The following TUBA8 variants were observed in gnomAD, a reference collection of about 807,000 sequenced individuals.
TUBA8 encodes the protein tubulin alpha 8, also known as tubulin alpha-8 chain.
In TUBA8, 29 loss-of-function variants were observed where a neutral mutation model predicts 34.7. The ratio of observed to expected loss-of-function variants is 0.84; its 90% CI spans 0.62 to 1.14. The LOEUF (loss-of-function observed/expected upper bound fraction) is 1.14, where lower values mean the gene tolerates loss of function less well. Among genes scored for constraint, TUBA8 ranks in the 50% most tolerant of loss-of-function variants. TUBA8 has a pLI of 0.00. For missense variants in TUBA8, 541 were observed against 599.2 expected, an observed-to-expected ratio of 0.90 and a Z score of 1.01; for synonymous variants, 226 against 231.2, an observed-to-expected ratio of 0.98 and a Z score of 0.21.
chr22:18,124,227 G>A lies in TUBA8; in HGVS notation c.298G>A (p.Ala100Thr), dbSNP rs758340778. Residue 100 changes from alanine to threonine, a missense_variant, in exon 3 of 5, where the codon GCC becomes ACC. Transcript: ENST00000330423. This position sits in a 1 kb window ranked among gnomAD's most constrained non-coding sequence, Gnocchi z 4.3. ...GCTGATCACAGGAAAGGAGGATGCA[G>A]CCAACAACTATGCCCGGGGCCACTA... ...EQLITGKEDA[A>T]NNYARGHYTV... The A allele has an allele frequency of 3.1e-6, 5 of 1,614,082 alleles. No homozygotes were observed. In the Admixed American group the frequency reaches 8.3e-5, roughly 27 times the overall value.
At position 18,110,973 on chromosome 22, in the gene TUBA8, G is replaced by A. The variant is rs1013726685; in HGVS notation, c.3+105G>A. On this transcript the variant is annotated intron_variant, in intron 1 of 4. Transcript: ENST00000330423. This position sits in a 1 kb window ranked among gnomAD's most constrained non-coding sequence, Gnocchi z 6.2. ...GGACCCGTCTTCCTGGAGCCGCAGG[G>A]CTCAAGGCCTTCTGGGGGTGGCAGT... 6.6e-7 allele frequency: 1 copy of A among 1,510,496 alleles called. No homozygotes were observed. Among genetic ancestry groups the A allele is most frequent in the Non-Finnish European group, 8.9e-7 (1 of 1,126,396 alleles). 93.6% of individuals were successfully genotyped at this position (1,510,496 alleles called of 1,614,324 possible). A position where few individuals can be genotyped will look rare whatever the true frequency, so the allele number is the denominator to read the frequency against.
At chr22:18,123,720 G>T in intron 2 of TUBA8, 1 of 231,260 alleles carries the variant, frequency 4.3e-6, no homozygotes, top group South Asian at 6.6e-5. Flanking sequence ...GACTACAGGC[G>T]CACGCTGCCA....
chr22:18,127,815 A>T (rs1321697709), intron 4 of TUBA8: 3 of 146,394 alleles, frequency 2.0e-5, no homozygotes, highest in African/African-American at 7.7e-5. Flanking sequence ...CTCCTGCCTC[A>T]GCCTCCCGAG....
At position 18,131,512 on chromosome 22, in the gene TUBA8, G is replaced by A. The variant is rs563390002; in HGVS notation, c.*376G>A. The A allele has an allele frequency of 1.3e-5, 4 of 315,626 alleles. No homozygotes were observed. The highest frequency in any genetic ancestry group is 2.4e-5 in the Non-Finnish European group (4 of 164,624). The allele number at this position is 315,626 out of a possible 1,614,324, so 19.6% of individuals were successfully genotyped here. A position where few individuals can be genotyped will look rare whatever the true frequency, so the allele number is the denominator to read the frequency against. On this transcript the variant is annotated 3_prime_UTR_variant, in exon 5 of 5. Transcript: ENST00000330423. This position sits in a 1 kb window ranked among gnomAD's most constrained non-coding sequence, Gnocchi z 5.3. ...AACACTCAGAGAAAGGGGAGATCTG[G>A]GCCTGGGAAGATTCCGGGGCAGGGG... is the stretch of plus-strand genomic sequence containing the variant.
Position 18,126,269 on chromosome 22 carries a change from C to T in TUBA8, c.376-85C>T, listed in dbSNP as rs1928312719. On this transcript the variant is annotated intron_variant, in intron 3 of 4. Coordinates refer to ENST00000330423, the MANE Select transcript of TUBA8 (RefSeq NM_018943.3). This position sits in a 1 kb window ranked among gnomAD's most constrained non-coding sequence, Gnocchi z 4.0. ...CATCCACAAAAAAATATGAGGCAGA[C>T]AGAGTGGGCGGTCTGGCTTTTTTAC... 1 of 1,282,514 alleles carries T rather than the reference C, an allele frequency of 7.8e-7. No homozygotes were observed. Among genetic ancestry groups the T allele is most frequent in the African/African-American group, 1.5e-5 (1 of 68,020 alleles). 79.4% of individuals were successfully genotyped at this position (1,282,514 alleles called of 1,614,324 possible).
At position 18,124,137 on chromosome 22, in the gene TUBA8, G is replaced by A; in HGVS notation, c.227-19G>A. 6.2e-7 allele frequency: 1 copy of A among 1,614,078 alleles called. No individual in the cohort carries two copies. The highest frequency in any genetic ancestry group is 8.5e-7 in the Non-Finnish European group (1 of 1,180,006). ...TCTCCCCTGGGCAGTAGGACCTAAT[G>A]GTCTTCCTCTCTTGGAAGATGAGGT... On this transcript the variant is annotated intron_variant, in intron 2 of 4. Coordinates refer to ENST00000330423, the MANE Select transcript of TUBA8 (RefSeq NM_018943.3). This position sits in a 1 kb window ranked among gnomAD's most constrained non-coding sequence, Gnocchi z 4.3.
chr22:18,122,869 G>C (rs2123701461), intron 2 of TUBA8: 1 of 151,950 alleles, frequency 6.6e-6, no homozygotes, highest in East Asian at 2.0e-4. Flanking sequence ...CCAGCACTTT[G>C]GGAGGCCGAG....
In TUBA8 at chr22:18,126,713, C is replaced by T. The variant is rs193124477; in HGVS notation, c.735C>T (p.Asp245=). ...CAATCACTGCTTCTCTCCGCTTTGA[C>T]GGGGCCCTCAATGTGGACCTCACTG... The part of the protein sequence containing the change: ...VSSITASLRF[D]GALNVDLTEF... The change falls in exon 4 of 5, where the codon GAC becomes GAT. Residue 245 remains aspartate, a synonymous_variant. Transcript: ENST00000330423. The surrounding 1 kb of genome is among the most constrained non-coding windows in gnomAD (Gnocchi z 4.0). The T allele has an allele frequency of 5.7e-5, 92 of 1,614,164 alleles. 1 individual carries two copies. The highest frequency in any genetic ancestry group is 3.5e-4 in the South Asian group (32 of 91,074).
intron 1 of TUBA8, chr22:18,114,013 A>T (rs577517597): frequency 6.8e-6 from 1 of 146,514 alleles, no homozygotes; most frequent in African/African-American, 2.6e-5. Context: ...GCTGGTGGAT[A>T]GCGGGCCAGT....
chr22:18,122,066 C>G (rs375268959), intron 2 of TUBA8: 2 of 247,784 alleles, frequency 8.1e-6, no homozygotes, highest in African/African-American at 4.4e-5. Context: ...AGTCTGCCCT[C>G]GGGGTGGGTA....
chr22:18,123,870 C>T (rs1014672014), intron 2 of TUBA8: 24 of 420,940 alleles, frequency 5.7e-5, no homozygotes, highest in Non-Finnish European at 4.5e-5. Context: ...CCACTGGGCC[C>T]GGCGATGTTC....
Position 18,131,180 on chromosome 22 carries a change from C to A in TUBA8, c.*44C>A. 6.3e-7 allele frequency: 1 copy of A among 1,575,944 alleles called. No individual in the cohort carries two copies. The highest frequency in any genetic ancestry group is 8.7e-7 in the Non-Finnish European group (1 of 1,147,574). The stretch of plus-strand genomic sequence containing the variant: ...GCTGTGTCTCTTTATTTATGCTGTG[C>A]CATTCAAAGCACATGTTCAAGAGAA... On this transcript the variant is annotated 3_prime_UTR_variant, in exon 5 of 5. Coordinates refer to ENST00000330423, the MANE Select transcript of TUBA8 (RefSeq NM_018943.3). This position sits in a 1 kb window ranked among gnomAD's most constrained non-coding sequence, Gnocchi z 5.3.
Position 18,126,058 on chromosome 22 carries a change from T to C in TUBA8, c.376-296T>C. The C allele has an allele frequency of 4.6e-6, 2 of 435,748 alleles. No homozygotes were observed. Among genetic ancestry groups the C allele is most frequent in the South Asian group, 4.7e-5 (2 of 42,436 alleles). 27.0% of individuals were successfully genotyped at this position (435,748 alleles called of 1,614,324 possible). A position where few individuals can be genotyped will look rare whatever the true frequency, so the allele number is the denominator to read the frequency against. On this transcript the variant is annotated intron_variant, in intron 3 of 4. Coordinates refer to ENST00000330423, the MANE Select transcript of TUBA8 (RefSeq NM_018943.3). The surrounding 1 kb of genome is among the most constrained non-coding windows in gnomAD (Gnocchi z 4.0). ...TAAAATTTTTTGTAGATGCGAGGTC[T>C]CACTATGTTGCCCATGCTGGTTGTG...
rs145342537 is a variant in TUBA8 at position 18,123,907 on chromosome 22, T to C, written c.227-249T>C. The C allele has an allele frequency of 1.6e-3, 848 of 521,330 alleles. 6 individuals carry two copies. Among genetic ancestry groups the C allele is most frequent in the African/African-American group, 0.015 (777 of 52,162 alleles). The allele number at this position is 521,330 out of a possible 1,614,324, so 32.3% of individuals were successfully genotyped here. A position where few individuals can be genotyped will look rare whatever the true frequency, so the allele number is the denominator to read the frequency against. On this transcript the variant is annotated intron_variant, in intron 2 of 4. Coordinates refer to ENST00000330423, the MANE Select transcript of TUBA8 (RefSeq NM_018943.3). The stretch of plus-strand genomic sequence containing the variant: ...ATGAGCTTTGTAAAGCTAAGTCTTT[T>C]TAGGGTTCTAGCCAGCAGGGCAGCC...
At position 18,131,314 on chromosome 22, in the gene TUBA8, C is replaced by A; in HGVS notation, c.*178C>A. The A allele has an allele frequency of 1.6e-6, 1 of 641,874 alleles. No individual in the cohort carries two copies. Among genetic ancestry groups the A allele is most frequent in the Non-Finnish European group, 2.7e-6 (1 of 367,794 alleles). The allele number at this position is 641,874 out of a possible 1,614,324, so 39.8% of individuals were successfully genotyped here. A position where few individuals can be genotyped will look rare whatever the true frequency, so the allele number is the denominator to read the frequency against. On this transcript the variant is annotated 3_prime_UTR_variant, in exon 5 of 5. Transcript: ENST00000330423. The surrounding 1 kb of genome is among the most constrained non-coding windows in gnomAD (Gnocchi z 5.3). ...GGGCTAAGTGGACACTGAGCTTCAT[C>A]AGGCCCTCCCTGGGTAGGAGCAGCT...
At chr22:18,130,514 A>T (rs973185639) in intron 4 of TUBA8, 9 of 401,696 alleles carry the variant, frequency 2.2e-5, no homozygotes, top group Admixed American at 7.5e-5. Context: ...CCTTGACCTC[A>T]TGGGCTCAAG....
rs1802571679 is a variant in TUBA8, at chr22:18,126,497, AG to A, written c.520del (p.Ala174ProfsTer16). 1 of 1,613,970 alleles carries A rather than the reference AG, an allele frequency of 6.2e-7. No individual in the cohort carries two copies. The highest frequency in any genetic ancestry group is 1.3e-5 in the African/African-American group (1 of 74,894). On this transcript the variant is annotated frameshift_variant, in exon 4 of 5. Transcript: ENST00000330423. LOFTEE classifies it high-confidence loss of function. This position sits in a 1 kb window ranked among gnomAD's most constrained non-coding sequence, Gnocchi z 4.0. Reference sequence around the variant, plus strand: ...CCAAGCTGGAGTTTGCCATCTACCCAGCCCCCCAGGTCTCTACTGCAGTGGT... The same window carrying A: ...CCAAGCTGGAGTTTGCCATCTACCCACCCCCCAGGTCTCTACTGCAGTGGT... ...KSKLEFAIYPAPQVSTAVVEP... is the reference protein window; with the variant it reads ...KSKLEFAIYPXPQVSTAVVEP...
rs2123699850 is a variant in TUBA8, at chr22:18,121,583, T to A, written c.108T>A (p.Phe36Leu). Residue 36 changes from phenylalanine to leucine, a missense_variant, in exon 2 of 5, where the codon TTT (phenylalanine) becomes TTA (leucine). By Grantham distance (22) the Phe-to-Leu change is conservative. Transcript: ENST00000330423. This position sits in a 1 kb window ranked among gnomAD's most constrained non-coding sequence, Gnocchi z 4.8. ...ACGGCATCCAGGCAGACGGCACTTT[T>A]GATGCTCAAGCTAGCAAGATCAACG... ...LEHGIQADGT[F>L]DAQASKINDD... is the part of the protein sequence containing the mutation. 6.2e-7 allele frequency: 1 copy of A among 1,614,200 alleles called. No individual in the cohort carries two copies. The highest frequency in any genetic ancestry group is 8.5e-7 in the Non-Finnish European group (1 of 1,180,030).
chr22:18,117,168 A>G (rs1928000298), intron 1 of TUBA8: 1 of 152,186 alleles, frequency 6.6e-6, no homozygotes, highest in Non-Finnish European at 1.5e-5. Context: ...CCTATTATCT[A>G]GATTTAAGAA....
Sources: allele counts gnomAD v4.1 joint callset, GRCh38; gene constraint gnomAD v4.1.1; non-coding constraint Gnocchi (gnomAD v3.1); transcripts MANE v1.5; gene names NCBI Gene and HGNC (gene_info 2026-07-23, HGNC 2026-07-21).